BCR: variants seen among roughly 807,000 people sequenced by gnomAD.
BCR encodes the protein breakpoint cluster region protein.
A neutral mutation model predicts 138.6 loss-of-function variants in BCR; 58 were observed. That is an observed-to-expected ratio of 0.42 (90% CI 0.34 to 0.52). The LOEUF (loss-of-function observed/expected upper bound fraction) is 0.52, where lower values mean the gene tolerates loss of function less well. Among genes scored for constraint, BCR ranks in the 20% least tolerant of loss-of-function variants. The pLI is 0.06. For missense variants in BCR, 1,599 were observed against 1,727.2 expected, an observed-to-expected ratio of 0.93 and a Z score of 1.32; for synonymous variants, 786 against 730.1, an observed-to-expected ratio of 1.08 and a Z score of -1.23.
intron 1 of BCR, among the ~76,000 whole-genome samples, chr22:23,247,377 C>G (rs918805045): frequency 6.6e-6 from 1 of 152,336 alleles, no homozygotes; most frequent in Admixed American, 6.5e-5. Flanking sequence ...CTGATGATCT[C>G]TGTGCTCCCT....
intron 12 of BCR, among the ~76,000 whole-genome samples, chr22:23,289,089 T>C (rs2073752921): frequency 2.0e-5 from 3 of 152,208 alleles, no homozygotes. Context: ...CTCTGTTCCC[T>C]GTTCAGCATT....
chr22:23,183,254 G>T (rs957622249), intron 1 of BCR, among the ~76,000 whole-genome samples: 9 of 152,312 alleles, frequency 5.9e-5, no homozygotes, highest in Middle Eastern at 6.8e-3. Flanking sequence ...TGTGTGTGAG[G>T]CTGTCGGGAA....
intron 1 of BCR, among the ~76,000 whole-genome samples, chr22:23,186,659 T>C (rs1359812977): frequency 6.6e-6 from 1 of 152,238 alleles, no homozygotes; most frequent in African/African-American, 2.4e-5. Context: ...CTTTTTGTGA[T>C]TGGCTTATTT....
At chr22:23,194,155 G>A (rs559318469) in intron 1 of BCR, among the ~76,000 whole-genome samples, 18 of 152,278 alleles carry the variant, frequency 1.2e-4, no homozygotes, top group Middle Eastern at 6.8e-3. Context: ...GTTTATTTTT[G>A]CCCACATCTT....
intron 2 of BCR, among the ~76,000 whole-genome samples, chr22:23,255,229 AT>A (rs2073279627): frequency 6.6e-6 from 1 of 152,098 alleles, no homozygotes; most frequent in African/African-American, 2.4e-5. Flanking sequence ...CAGGCTTCTC[AT>A]TCTGAACCGA....
intron 21 of BCR, 100 bp from the exon 22 acceptor site, chr22:23,314,452 G>T: frequency 7.3e-7 from 1 of 1,373,620 alleles, no homozygotes; most frequent in Non-Finnish European, 1.0e-6. Flanking sequence ...AGCCAGGGTC[G>T]AGGTCACTCC....
rs542802601 is a variant in BCR at position 23,288,018 on chromosome 22, T to C, written c.2527-79T>C. ...CCGGCTGGAGATACGAGTTGTGTGC[T>C]CTAAGGTGCCCCGGGCCTACCAGGC... is the stretch of plus-strand genomic sequence containing the variant. On this transcript the variant is annotated intron_variant, in intron 11 of 22. Transcript: ENST00000305877. The C allele has an allele frequency of 6.3e-5, 87 of 1,383,530 alleles. No individual in the cohort carries two copies. In the African/African-American group the frequency reaches 1.1e-3, roughly 17 times the overall value. The allele number at this position is 1,383,530 out of a possible 1,614,324, so 85.7% of individuals were successfully genotyped here. A position where few individuals can be genotyped will look rare whatever the true frequency, so the allele number is the denominator to read the frequency against.
chr22:23,240,303 G>T (rs1201287307), intron 1 of BCR, among the ~76,000 whole-genome samples: 4 of 7,196 alleles, frequency 5.6e-4, no homozygotes, highest in Non-Finnish European at 9.4e-4. Context: ...CTGGCTGATC[G>T]TGTGTGTGTG....
intron 15 of BCR, among the ~76,000 whole-genome samples, chr22:23,293,009 T>A (rs915226631): frequency 6.6e-6 from 1 of 152,050 alleles, no homozygotes; most frequent in African/African-American, 2.4e-5. Context: ...TCCGGAAGCC[T>A]GGGGCTCTGC....
At chr22:23,250,176 T>C (rs112664880) in intron 1 of BCR, among the ~76,000 whole-genome samples, 1 of 152,218 alleles carries the variant, frequency 6.6e-6, no homozygotes, top group South Asian at 2.1e-4. Context: ...ACCCCGAATC[T>C]GACCCCGAAG....
At position 23,260,821 on chromosome 22, in the gene BCR, A is replaced by G. The variant is rs1421727605; in HGVS notation, c.1462-129A>G. The G allele has an allele frequency of 5.9e-6, 5 of 853,002 alleles. No individual in the cohort carries two copies. The Admixed American group carries it at 9.2e-5, about 16-fold the overall frequency. The allele number at this position is 853,002 out of a possible 1,614,324, so 52.8% of individuals were successfully genotyped here. On this transcript the variant is annotated intron_variant, in intron 2 of 22. Coordinates refer to ENST00000305877, the MANE Select transcript of BCR (RefSeq NM_004327.4). ...GGGTCCCCTGCCTCCCTTTAATTCCATGTGGAGCCTTTGTGGGGGCAGGGG... is the reference window on the plus strand; with the variant it reads ...GGGTCCCCTGCCTCCCTTTAATTCCGTGTGGAGCCTTTGTGGGGGCAGGGG...
Position 23,273,781 on chromosome 22 carries a change from G to A in BCR, c.2115+7G>A. 6.2e-7 allele frequency: 1 copy of A among 1,613,884 alleles called. No individual in the cohort carries two copies. Among genetic ancestry groups the A allele is most frequent in the Admixed American group, 1.7e-5 (1 of 60,024 alleles). On this transcript the variant is annotated splice_region_variant and intron_variant, in intron 8 of 22. Coordinates refer to ENST00000305877, the MANE Select transcript of BCR (RefSeq NM_004327.4). ...GACGGTGAAGAAGGGAGAGGTGAGTGTGGCAGGGGATGGCTTGGGTCCACC... is the reference window on the plus strand; with the variant it reads ...GACGGTGAAGAAGGGAGAGGTGAGTATGGCAGGGGATGGCTTGGGTCCACC...
intron 1 of BCR, among the ~76,000 whole-genome samples, chr22:23,246,812 A>G (rs2073162678): frequency 6.6e-6 from 1 of 152,058 alleles, no homozygotes; most frequent in South Asian, 2.1e-4. Context: ...TTTTGCTGTC[A>G]GAGGAACTTA....
rs372716390 is a variant in BCR, at chr22:23,181,844, C to A, written c.884C>A (p.Pro295Gln). Residue 295 changes from proline to glutamine, a missense_variant, in exon 1 of 23, where the codon CCG (proline) becomes CAG (glutamine). Physicochemically the swap from Pro to Gln is moderately conservative, Grantham distance 76. Transcript: ENST00000305877. ...GGMMEGEGKG[P>Q]LLRSQSTSEQ... ...ATGATGGAAGGGGAGGGCAAGGGCCCGCTCCTGCGCAGCCAGAGCACCTCT... is the reference window on the plus strand; with the variant it reads ...ATGATGGAAGGGGAGGGCAAGGGCCAGCTCCTGCGCAGCCAGAGCACCTCT... 4.2e-5 allele frequency: 67 copies of A among 1,612,114 alleles called. No homozygotes were observed. Among genetic ancestry groups the A allele is most frequent in the Non-Finnish European group, 4.2e-5 (50 of 1,179,730 alleles).
chr22:23,314,839 G>A, intron 22 of BCR, 125 bp downstream of exon 22: 1 of 1,270,526 alleles, frequency 7.9e-7, no homozygotes, highest in South Asian at 1.3e-5. Flanking sequence ...CATTCACAGA[G>A]AGGGACTTGC....
chr22:23,223,945 A>G (rs1036712737), intron 1 of BCR, among the ~76,000 whole-genome samples: 11 of 152,162 alleles, frequency 7.2e-5, no homozygotes, highest in Admixed American at 5.9e-4. Context: ...CCAAAGGCAC[A>G]GGCCCTGATG....
chr22:23,196,181 G>C (rs552073445), intron 1 of BCR, among the ~76,000 whole-genome samples: 32 of 152,194 alleles, frequency 2.1e-4, no homozygotes, highest in Non-Finnish European at 3.8e-4. Context: ...ATAAGTGGCA[G>C]AGTTGATGGG....
chr22:23,272,608 C>G (rs1031077656), intron 6 of BCR, among the ~76,000 whole-genome samples: 5 of 152,088 alleles, frequency 3.3e-5, no homozygotes, highest in Non-Finnish European at 4.4e-5. Flanking sequence ...CCTGTCAAAC[C>G]AAGAGTTGTA....
At chr22:23,214,209 T>TG (rs989036225) in intron 1 of BCR, among the ~76,000 whole-genome samples, 35 of 151,896 alleles carry the variant, frequency 2.3e-4, no homozygotes, top group African/African-American at 8.5e-4. Context: ...TTGGTTTGTT[T>TG]TTTTTTTTTT....
Sources: allele counts gnomAD v4.1 joint callset (sites outside exome capture counted in the v4.1 genomes callset), GRCh38; gene constraint gnomAD v4.1.1; transcripts MANE v1.5; gene names NCBI Gene and HGNC (gene_info 2026-07-23, HGNC 2026-07-21).